AMACR: variants seen among roughly 807,000 people sequenced by gnomAD.
The protein encoded by AMACR is alpha-methylacyl-CoA racemase.
In AMACR, 18 loss-of-function variants were observed where a neutral mutation model predicts 22.2. That is an observed-to-expected ratio of 0.81 (90% confidence interval 0.56 to 1.20). The LOEUF (loss-of-function observed/expected upper bound fraction) is 1.20. AMACR is among the 50% of genes most tolerant of loss of function. The pLI is 0.00. For missense variants in AMACR, 499 were observed against 490.6 expected (o/e 1.02, Z -0.16); for synonymous variants, 213 against 191.3 (o/e 1.11, Z -0.94).
At position 33,988,319 on chromosome 5, in the gene AMACR, T is replaced by A. The variant is rs1287477656; in HGVS notation, c.*774A>T. The A allele has an allele frequency of 6.5e-7, 1 of 1,540,986 alleles. No homozygotes were observed. The highest frequency in any genetic ancestry group is 1.2e-5 in the South Asian group (1 of 84,262). On this transcript the variant is annotated 3_prime_UTR_variant, in exon 5 of 5. Coordinates refer to ENST00000335606, the MANE Select transcript of AMACR (RefSeq NM_014324.6). ...GGGTCCTGAGATCTTTATTTCTGGATGTTGCTGTGTGTTGGGTATAAGATC... is the reference window on the plus strand; with the variant it reads ...GGGTCCTGAGATCTTTATTTCTGGAAGTTGCTGTGTGTTGGGTATAAGATC...
chr5:33,995,291 G>T (rs145190482), intron 4 of AMACR, among the ~76,000 whole-genome samples: 298 of 152,338 alleles, frequency 2.0e-3, no homozygotes, highest in African/African-American at 6.9e-3. Context: ...TGTAAGCAAA[G>T]GTGATGCTGG....
chr5:33,988,599 A>C lies in AMACR; in HGVS notation c.*494T>G. On this transcript the variant is annotated 3_prime_UTR_variant, in exon 5 of 5. Transcript: ENST00000335606. The stretch of plus-strand genomic sequence containing the variant: ...ATTACAAAGTGTGATAACTGTTGCT[A>C]AAGTTTGGAATGTGCTTAGAGGGAG... 1 of 1,319,634 alleles carries C rather than the reference A, an allele frequency of 7.6e-7. No individual in the cohort carries two copies. Among genetic ancestry groups the C allele is most frequent in the Non-Finnish European group, 9.7e-7 (1 of 1,035,518 alleles). The allele number at this position is 1,319,634 out of a possible 1,614,324, so 81.7% of individuals were successfully genotyped here.
intron 3 of AMACR, among the ~76,000 whole-genome samples, chr5:34,000,281 G>A (rs779297416): frequency 2.0e-5 from 3 of 152,158 alleles, no homozygotes; most frequent in Non-Finnish European, 2.9e-5. Flanking sequence ...AATCAATAGG[G>A]CGGTAATAGA....
chr5:33,997,210 C>T, intron 4 of AMACR: 1 of 763,232 alleles, frequency 1.3e-6, no homozygotes, highest in South Asian at 1.4e-5. Context: ...AGAGCTGTCA[C>T]CAGCATTAGC....
chr5:33,986,473 C>T lies in AMACR; in HGVS notation c.*2620G>A, dbSNP rs1753295361. ...CATGATACCTGGCACCTAGTAGATC[C>T]TCAATAAACATTTGCTAAAGGAATT... On this transcript the variant is annotated 3_prime_UTR_variant, in exon 5 of 5. Transcript: ENST00000335606. The T allele has an allele frequency of 6.6e-6, 1 of 152,182 alleles. No homozygotes were observed. Among genetic ancestry groups the T allele is most frequent in the Admixed American group, 6.5e-5 (1 of 15,280 alleles). The allele number at this position is 152,182 out of a possible 1,614,324, so 9.4% of individuals were successfully genotyped here.
Position 33,998,623 on chromosome 5 carries a change from C to T in AMACR, c.739+18G>A, listed in dbSNP as rs369971392. 90 of 1,590,196 alleles carry T rather than the reference C, an allele frequency of 5.7e-5. No individual in the cohort carries two copies. The highest frequency in any genetic ancestry group is 1.9e-4 in the African/African-American group (14 of 73,884). On this transcript the variant is annotated intron_variant, in intron 4 of 4. Coordinates refer to ENST00000335606, the MANE Select transcript of AMACR (RefSeq NM_014324.6). ...ACAGCAAAAGGGGAACTGGGGGAGACGCGTGAAGTTCACTTACCTTTGATC... is the reference window on the plus strand; with the variant it reads ...ACAGCAAAAGGGGAACTGGGGGAGATGCGTGAAGTTCACTTACCTTTGATC...
chr5:33,993,861 T>C lies in AMACR; in HGVS notation c.740-4359A>G, dbSNP rs189793047. ...TTACAGTGAGCCGAGATCATGCCAC[T>C]GCACTCCAGCCTGGGTGACAGAGAT... On this transcript the variant is annotated intron_variant, in intron 4 of 4. Coordinates refer to ENST00000335606, the MANE Select transcript of AMACR (RefSeq NM_014324.6). 1.1e-4 allele frequency: 37 copies of C among 322,588 alleles called. 1 individual carries two copies. In the East Asian group the frequency reaches 2.8e-3, roughly 24 times the overall value. The allele number at this position is 322,588 out of a possible 1,614,324, so 20.0% of individuals were successfully genotyped here. A position where few individuals can be genotyped will look rare whatever the true frequency, so the allele number is the denominator to read the frequency against.
chr5:34,004,417 T>C (rs1290923290), intron 3 of AMACR, among the ~76,000 whole-genome samples, 157 bp downstream of exon 3: 1 of 152,168 alleles, frequency 6.6e-6, no homozygotes, highest in Non-Finnish European at 1.5e-5. Context: ...ATAAAAGACA[T>C]AAGTCTATTT....
At position 33,988,757 on chromosome 5, in the gene AMACR, G is replaced by T; in HGVS notation, c.*336C>A. 1.7e-6 allele frequency: 2 copies of T among 1,199,726 alleles called. No individual in the cohort carries two copies. The highest frequency in any genetic ancestry group is 8.4e-5 in the Admixed American group (2 of 23,836). The allele number at this position is 1,199,726 out of a possible 1,614,324, so 74.3% of individuals were successfully genotyped here. On this transcript the variant is annotated 3_prime_UTR_variant, in exon 5 of 5. Coordinates refer to ENST00000335606, the MANE Select transcript of AMACR (RefSeq NM_014324.6). ...TCAAGAGTGTAAATAAATGTATATC[G>T]ATGTCTTCAAGAATATATCATTCCT...
chr5:34,007,527 G>C (rs2112076627), intron 1 of AMACR, among the ~76,000 whole-genome samples: 1 of 152,300 alleles, frequency 6.6e-6, no homozygotes, highest in African/African-American at 2.4e-5. Flanking sequence ...AATTTGGGAA[G>C]GAGTCAGAGA....
chr5:33,995,488 G>T (rs1363096703), intron 4 of AMACR, among the ~76,000 whole-genome samples: 1 of 152,214 alleles, frequency 6.6e-6, no homozygotes, highest in African/African-American at 2.4e-5. Context: ...TAGTTTTGCT[G>T]TCACAACTCA....
rs1035381719 is a variant in AMACR, at chr5:33,987,189, T to A, written c.*1904A>T. On this transcript the variant is annotated 3_prime_UTR_variant, in exon 5 of 5. Transcript: ENST00000335606. ...CACCACCATACCTGGATAATTTTTT[T>A]ATTTTTATTTCGTAGAAACGGAGGT... is the stretch of plus-strand genomic sequence containing the variant. The A allele has an allele frequency of 2.0e-5, 3 of 152,226 alleles. No homozygotes were observed. Among genetic ancestry groups the A allele is most frequent in the Non-Finnish European group, 2.9e-5 (2 of 68,054 alleles). 9.4% of individuals were successfully genotyped at this position (152,226 alleles called of 1,614,324 possible).
intron 4 of AMACR, among the ~76,000 whole-genome samples, chr5:33,993,771 C>A (rs565504358): frequency 1.3e-5 from 2 of 152,132 alleles, no homozygotes; most frequent in East Asian, 3.9e-4. Context: ...TGGTGGTGGG[C>A]ACCTGTAATC....
Position 34,007,989 on chromosome 5 carries a change from G to A in AMACR, c.31C>T (p.Leu11=). 6.2e-7 allele frequency: 1 copy of A among 1,611,714 alleles called. No individual in the cohort carries two copies. Among genetic ancestry groups the A allele is most frequent in the Non-Finnish European group, 8.5e-7 (1 of 1,179,796 alleles). MALQGISVVE[L]SGLAPGPFCA... Reference sequence around the variant, plus strand: ...AACGGGCCCGGGGCCAGGCCGGACAGCTCCACGACCGAGATGCCCTGCAGT... The same window carrying A: ...AACGGGCCCGGGGCCAGGCCGGACAACTCCACGACCGAGATGCCCTGCAGT... The change falls in exon 1 of 5, where the codon CTG becomes TTG. Residue 11 remains leucine, a synonymous_variant. Coordinates refer to ENST00000335606, the MANE Select transcript of AMACR (RefSeq NM_014324.6).
chr5:33,994,769 C>T (rs1290299688), intron 4 of AMACR, among the ~76,000 whole-genome samples: 3 of 152,066 alleles, frequency 2.0e-5, no homozygotes, highest in Non-Finnish European at 4.4e-5. Flanking sequence ...GTAAAAAAAT[C>T]AGGGGAGTTA....
intron 4 of AMACR, among the ~76,000 whole-genome samples, chr5:33,991,340 G>A (rs1028947813): frequency 6.6e-5 from 10 of 152,140 alleles, no homozygotes. Flanking sequence ...GGTTTAAGGT[G>A]AGCTGTTTGC....
intron 2 of AMACR, 44 bp from the exon 3 acceptor site, chr5:34,004,778 C>A: frequency 6.3e-7 from 1 of 1,588,220 alleles, no homozygotes; most frequent in Non-Finnish European, 8.6e-7. Context: ...TAAATTTAAT[C>A]TCTTCTTAAA....
Position 33,989,532 on chromosome 5 carries a change from T to C in AMACR, c.740-30A>G, listed in dbSNP as rs373210541. On this transcript the variant is annotated intron_variant, in intron 4 of 4. Transcript: ENST00000335606. ...GGAAAAATACAATTTCCTAAATTAT[T>C]ATGCTTTGAACAGAGCAATTATAAT... The C allele has an allele frequency of 2.8e-5, 44 of 1,570,924 alleles. No homozygotes were observed. The African/African-American group carries it at 5.7e-4, about 20-fold the overall frequency.
In AMACR at chr5:33,989,240, G is replaced by A. The variant is rs1476213297; in HGVS notation, c.1002C>T (p.Thr334=). Residue 334 remains threonine, a synonymous_variant, in exon 5 of 5, where the codon ACC becomes ACT. Transcript: ENST00000335606. ...SPRPAPLLLN[T]PAIPSFKRDP... is the part of the protein sequence containing the mutation. ...CCCTTTTGAAAGAAGGGATGGCTGG[G>A]GTGTTTAACAGCAGAGGTGCAGGGC... 2.5e-6 allele frequency: 4 copies of A among 1,614,122 alleles called. No homozygotes were observed. Among genetic ancestry groups the A allele is most frequent in the South Asian group, 2.2e-5 (2 of 91,068 alleles).
Sources: allele counts gnomAD v4.1 joint callset (sites outside exome capture counted in the v4.1 genomes callset), GRCh38; gene constraint gnomAD v4.1.1; transcripts MANE v1.5; gene names NCBI Gene and HGNC (gene_info 2026-07-23, HGNC 2026-07-21).